The following AKR1D1 variants were observed in gnomAD, a reference collection of about 807,000 sequenced individuals.
The protein encoded by AKR1D1 is aldo-keto reductase family 1 member D1.
AKR1D1 carries 32 observed loss-of-function variants against 42.6 expected under a neutral mutation model. The observed-to-expected ratio is 0.75, with a 90% CI of 0.57 to 1.01. The LOEUF (loss-of-function observed/expected upper bound fraction) is 1.01. Among genes scored for constraint, AKR1D1 ranks in the 50% least tolerant of loss-of-function variants. The probability of loss-of-function intolerance (pLI) is 0.00; values close to 1 mark genes in which losing one functional copy is unlikely to be tolerated. For missense variants in AKR1D1, 364 were observed against 402.2 expected (o/e 0.91, Z 0.81); for synonymous variants, 123 against 135.5 (o/e 0.91, Z 0.64).
chr7:138,088,841 CGTGTGT>C, intron 2 of AKR1D1, 73 bp downstream of exon 2: 1 of 1,230,152 alleles, frequency 8.1e-7, no homozygotes, highest in Non-Finnish European at 1.1e-6. Flanking sequence ...ATTCATCTTC[CGTGTGT>C]GTGTGTGTGT....
chr7:138,086,268 T>A (rs573423912), intron 1 of AKR1D1, among the ~76,000 whole-genome samples: 1 of 152,282 alleles, frequency 6.6e-6, no homozygotes, highest in African/African-American at 2.4e-5. Flanking sequence ...TCCCTGTAAA[T>A]TTCTGGACAC....
At chr7:138,096,822 T>G (rs1421667140) in intron 3 of AKR1D1, among the ~76,000 whole-genome samples, 1 of 152,174 alleles carries the variant, frequency 6.6e-6, no homozygotes, top group Non-Finnish European at 1.5e-5. Flanking sequence ...TCAATATTCT[T>G]GTCTTACTAG....
rs115072234 is a variant in AKR1D1, at chr7:138,108,469, C to T, written c.855+889C>T. Among the ~76,000 whole-genome samples, 193 of 152,192 alleles carry T rather than the reference C, an allele frequency of 1.3e-3. 2 individuals carry two copies. The highest frequency in any genetic ancestry group is 4.0e-3 in the African/African-American group (168 of 41,528). ...ACTTGGTAATATTTGGGGAAACAGG[C>T]GCTTTGACACACTATTGTTAGAAAC... On this transcript the variant is annotated intron_variant, in intron 7 of 8. Coordinates refer to ENST00000242375, the MANE Select transcript of AKR1D1 (RefSeq NM_005989.4).
intron 3 of AKR1D1, among the ~76,000 whole-genome samples, chr7:138,094,008 C>T (rs1794137209): frequency 6.6e-6 from 1 of 152,164 alleles, no homozygotes; most frequent in South Asian, 2.1e-4. Flanking sequence ...ATTTACTTCT[C>T]TGTGACTAAC....
Position 138,105,418 on chromosome 7 carries a change from G to C in AKR1D1, c.568G>C (p.Val190Leu). 6.2e-7 allele frequency: 1 copy of C among 1,614,014 alleles called. No homozygotes were observed. The highest frequency in any genetic ancestry group is 1.7e-5 in the Admixed American group (1 of 60,018). Residue 190 changes from valine to leucine, a missense_variant, in exon 5 of 9, where the codon GTC (valine) becomes CTC (leucine). Val to Leu is a conservative substitution (Grantham distance 32, BLOSUM62 1). Transcript: ENST00000242375. ...CAAGCCAGGACTCAAACACAAGCCA[G>C]TCAGCAACCAGGTACAGCCTAATAG... The part of the protein sequence containing the change: ...LNKPGLKHKP[V>L]SNQVECHPYF...
chr7:138,105,521 T>C, intron 5 of AKR1D1, 92 bp downstream of exon 5: 2 of 1,549,424 alleles, frequency 1.3e-6, no homozygotes, highest in Non-Finnish European at 1.8e-6. Context: ...GGAAGGCTCA[T>C]GATTGCTCCA....
chr7:138,090,261 T>TA (rs1394014733), intron 2 of AKR1D1, among the ~76,000 whole-genome samples: 1 of 152,150 alleles, frequency 6.6e-6, no homozygotes, highest in African/African-American at 2.4e-5. Context: ...TCTGTGTTTT[T>TA]AAGGCAAGAA....
intron 4 of AKR1D1, among the ~76,000 whole-genome samples, chr7:138,102,583 T>G (rs1794339796): frequency 6.6e-6 from 1 of 152,028 alleles, no homozygotes; most frequent in Non-Finnish European, 1.5e-5. Flanking sequence ...AGCAATAAGT[T>G]TGGAGGGCTT....
chr7:138,084,379 C>T (rs915295326), intron 1 of AKR1D1, among the ~76,000 whole-genome samples: 5 of 151,076 alleles, frequency 3.3e-5, no homozygotes, highest in South Asian at 4.2e-4. Flanking sequence ...TCACCAGACC[C>T]GGCTAATTTC....
chr7:138,085,054 CAAAAAAAAAA>C lies in AKR1D1; in HGVS notation c.94-3534_94-3525del, dbSNP rs58253168. ...CTGGTGACAGAGTGAGACTCCGTCT[CAAAAAAAAAA>C]AAAAAAAAAAAAGAATTACAAAGTG... On this transcript the variant is annotated intron_variant, in intron 1 of 8. Transcript: ENST00000242375. Among the ~76,000 whole-genome samples, 346 of 70,838 alleles carry C rather than the reference CAAAAAAAAAA, an allele frequency of 4.9e-3. 1 individual carries two copies. Among genetic ancestry groups the C allele is most frequent in the African/African-American group, 0.02 (326 of 16,384 alleles). 46.5% of individuals were successfully genotyped at this position (70,838 alleles called of 152,430 possible).
chr7:138,081,101 C>A (rs1477900466), intron 1 of AKR1D1, among the ~76,000 whole-genome samples: 2 of 152,184 alleles, frequency 1.3e-5, no homozygotes, highest in Non-Finnish European at 2.9e-5. Flanking sequence ...GGATTTCCAG[C>A]CTTACATAGT....
At chr7:138,113,012 T>A (rs1432379540) in intron 7 of AKR1D1, among the ~76,000 whole-genome samples, 2 of 152,042 alleles carry the variant, frequency 1.3e-5, no homozygotes, top group Non-Finnish European at 2.9e-5. Context: ...AAATTAAAAG[T>A]TTTTTTAAAA....
intron 7 of AKR1D1, among the ~76,000 whole-genome samples, chr7:138,110,460 T>C (rs10228704): frequency 0.81 from 122,679 of 151,998 alleles, 49,949 homozygotes; most frequent in African/African-American, 0.91. Context: ...TTAAGTTAAA[T>C]CATCAGTTTA....
rs1794580209 is a variant in AKR1D1 at position 138,113,771 on chromosome 7, A to G, written c.937A>G (p.Met313Val). ...NKNVRFVELL[M>V]WRDHPEYPFH... ...AAATGTCCGCTTTGTAGAATTGCTC[A>G]TGTAAGTTCCGGGGATCATTAATGG... The change falls in exon 8 of 9, where the codon ATG becomes GTG. Residue 313 changes from methionine to valine, a missense_variant and splice_region_variant. Coordinates refer to ENST00000242375, the MANE Select transcript of AKR1D1 (RefSeq NM_005989.4). The G allele has an allele frequency of 5.0e-6, 8 of 1,613,786 alleles. No individual in the cohort carries two copies. Among genetic ancestry groups the G allele is most frequent in the Non-Finnish European group, 6.8e-6 (8 of 1,179,666 alleles).
intron 1 of AKR1D1, among the ~76,000 whole-genome samples, chr7:138,082,879 A>C (rs1323634569): frequency 6.6e-6 from 1 of 152,280 alleles, no homozygotes; most frequent in South Asian, 2.1e-4. Flanking sequence ...TTGTCTATGT[A>C]CCACATTTTC....
intron 7 of AKR1D1, among the ~76,000 whole-genome samples, chr7:138,108,259 G>A (rs1209210474): frequency 3.3e-5 from 5 of 152,038 alleles, no homozygotes; most frequent in South Asian, 2.1e-4. Context: ...CATTTATTCC[G>A]CTACTACTAA....
chr7:138,088,463 TTCCAA>T (rs1793982554), intron 1 of AKR1D1, 133 bp from the exon 2 acceptor site: 3 of 1,059,554 alleles, frequency 2.8e-6, no homozygotes, highest in African/African-American at 3.1e-5. Context: ...GAACACCATC[TTCCAA>T]TCACAACAGC....
At position 138,113,802 on chromosome 7, in the gene AKR1D1, G is replaced by T; in HGVS notation, c.938+30G>T. 3 of 1,593,468 alleles carry T rather than the reference G, an allele frequency of 1.9e-6. No individual in the cohort carries two copies. In the South Asian group the frequency reaches 3.3e-5, roughly 18 times the overall value. On this transcript the variant is annotated intron_variant, in intron 8 of 8. Coordinates refer to ENST00000242375, the MANE Select transcript of AKR1D1 (RefSeq NM_005989.4). ...GTTCCGGGGATCATTAATGGGTATT[G>T]ACCAGTGGTATTGAATGGTCATGTG...
chr7:138,111,605 T>C (rs901376402), intron 7 of AKR1D1, among the ~76,000 whole-genome samples: 2 of 152,118 alleles, frequency 1.3e-5, no homozygotes, highest in Non-Finnish European at 1.5e-5. Context: ...TAATATGAGA[T>C]CCTCATTCAC....
Sources: gnomAD v4.1 joint callset for allele counts (sites outside exome capture counted in the v4.1 genomes callset) on GRCh38, gnomAD v4.1.1 for gene constraint, MANE v1.5 for transcripts, NCBI Gene and HGNC (gene_info 2026-07-23, HGNC 2026-07-21) for gene names.